Variants in KIAA0040 observed in about 807,000 individuals in gnomAD.
The protein encoded by KIAA0040 is uncharacterized protein KIAA0040.
Under a neutral mutation model 7.2 loss-of-function variants are expected in KIAA0040, and 10 were observed. The ratio of observed to expected loss-of-function variants is 1.38; its 90% CI spans 0.85 to 2.34. KIAA0040 has a LOEUF of 2.34. Among genes scored for constraint, KIAA0040 ranks in the 30% most tolerant of loss-of-function variants. The probability of loss-of-function intolerance (pLI) is 0.00; values close to 1 mark genes in which losing one functional copy is unlikely to be tolerated. For missense variants in KIAA0040, 89 were observed against 108.2 expected (o/e 0.82, Z 0.79); for synonymous variants, 49 against 40.1 (o/e 1.22, Z -0.84).
In KIAA0040 at chr1:175,158,790, G is replaced by A. The variant is rs1300393683; in HGVS notation, c.*1924C>T. The A allele has an allele frequency of 6.6e-6, 1 of 151,970 alleles. No individual in the cohort carries two copies. Among genetic ancestry groups the A allele is most frequent in the Admixed American group, 6.6e-5 (1 of 15,256 alleles). 9.4% of individuals were successfully genotyped at this position (151,970 alleles called of 1,614,324 possible). The stretch of plus-strand genomic sequence containing the variant: ...AGTTTATGGCCATATAGGGTGAGAG[G>A]GCAAATGTGACTGGCTATAAAATAT... On this transcript the variant is annotated 3_prime_UTR_variant, in exon 4 of 4. Coordinates refer to ENST00000423313, the MANE Select transcript of KIAA0040 (RefSeq NM_014656.3).
intron 2 of KIAA0040, among the ~76,000 whole-genome samples, chr1:175,175,990 G>C (rs1054778088): frequency 6.6e-6 from 1 of 152,132 alleles, no homozygotes; most frequent in African/African-American, 2.4e-5. Flanking sequence ...AAACCTGCAC[G>C]TTGTGCACAT....
At chr1:175,178,758 T>A (rs1403672015) in intron 1 of KIAA0040, among the ~76,000 whole-genome samples, 1 of 152,158 alleles carries the variant, frequency 6.6e-6, no homozygotes, top group African/African-American at 2.4e-5. Context: ...GATGATAACA[T>A]CAACTGCCCT....
chr1:175,161,154 G>A lies in KIAA0040; in HGVS notation c.-133-8C>T. On this transcript the variant is annotated splice_region_variant and splice_polypyrimidine_tract_variant and intron_variant, in intron 3 of 3. Transcript: ENST00000423313. ...GCATGCCACTGGCAGCACCTGAAGA[G>A]ATTAAAACAGACAACTGAAGAGAAA... is the stretch of plus-strand genomic sequence containing the variant. The A allele has an allele frequency of 1.5e-6, 1 of 660,544 alleles. No homozygotes were observed. Among genetic ancestry groups the A allele is most frequent in the South Asian group, 2.2e-5 (1 of 45,878 alleles). 40.9% of individuals were successfully genotyped at this position (660,544 alleles called of 1,614,324 possible). A position where few individuals can be genotyped will look rare whatever the true frequency, so the allele number is the denominator to read the frequency against.
chr1:175,160,527 A>C lies in KIAA0040; in HGVS notation c.*187T>G, dbSNP rs568556272. On this transcript the variant is annotated 3_prime_UTR_variant, in exon 4 of 4. Coordinates refer to ENST00000423313, the MANE Select transcript of KIAA0040 (RefSeq NM_014656.3). ...ACACATAGCTGCCAAGACAGTATCC[A>C]AGAATTGTCCACGTGGTCCCTGGGA... 9.8e-5 allele frequency: 60 copies of C among 612,500 alleles called. 1 individual carries two copies. The highest frequency in any genetic ancestry group is 4.4e-4 in the Middle Eastern group (1 of 2,274). The allele number at this position is 612,500 out of a possible 1,614,324, so 37.9% of individuals were successfully genotyped here. A position where few individuals can be genotyped will look rare whatever the true frequency, so the allele number is the denominator to read the frequency against.
intron 2 of KIAA0040, among the ~76,000 whole-genome samples, chr1:175,172,039 T>G (rs983479261): frequency 3.9e-5 from 6 of 152,208 alleles, no homozygotes; most frequent in African/African-American, 1.4e-4. Context: ...GATTTTCTAT[T>G]ATGGAAGGTC....
Position 175,158,147 on chromosome 1 carries a change from C to T in KIAA0040, c.*2567G>A, listed in dbSNP as rs894913307. On this transcript the variant is annotated 3_prime_UTR_variant, in exon 4 of 4. Coordinates refer to ENST00000423313, the MANE Select transcript of KIAA0040 (RefSeq NM_014656.3). The stretch of plus-strand genomic sequence containing the variant: ...ATTTAACAAAACGTTTAGGGCCTAT[C>T]CTGCACTGGGACTCCTCTAGTTACG... The T allele has an allele frequency of 6.6e-6, 1 of 152,264 alleles. No individual in the cohort carries two copies. The highest frequency in any genetic ancestry group is 6.5e-5 in the Admixed American group (1 of 15,280). 9.4% of individuals were successfully genotyped at this position (152,264 alleles called of 1,614,324 possible).
At chr1:175,163,094 G>C (rs145454634) in intron 3 of KIAA0040, among the ~76,000 whole-genome samples, 180 of 152,290 alleles carry the variant, frequency 1.2e-3, no homozygotes, top group African/African-American at 4.1e-3. Flanking sequence ...ACTCATTCTG[G>C]AGAGTTTGGC....
intron 2 of KIAA0040, among the ~76,000 whole-genome samples, chr1:175,169,905 C>G (rs529509177): frequency 2.0e-5 from 3 of 152,250 alleles, no homozygotes; most frequent in Admixed American, 6.5e-5. Context: ...TTCCCTCCCT[C>G]AATGTATTTA....
chr1:175,161,018 C>T lies in KIAA0040; in HGVS notation c.-5G>A, dbSNP rs1344746740. On this transcript the variant is annotated 5_prime_UTR_variant, in exon 4 of 4. Transcript: ENST00000423313. ...GAAGGCACTGATTCTCTCCATGGTG[C>T]TTGGCTAGATTAGGGCCAGAGAACC... 5 of 1,547,232 alleles carry T rather than the reference C, an allele frequency of 3.2e-6. No homozygotes were observed. In the Admixed American group the frequency reaches 7.9e-5, roughly 24 times the overall value.
At chr1:175,183,632 G>A (rs915547425) in intron 1 of KIAA0040, among the ~76,000 whole-genome samples, 5 of 152,200 alleles carry the variant, frequency 3.3e-5, no homozygotes, top group African/African-American at 1.2e-4. Flanking sequence ...TAAGTTGGTC[G>A]GACATCTGGG....
chr1:175,188,419 T>G (rs1677746373), intron 1 of KIAA0040, among the ~76,000 whole-genome samples: 1 of 152,352 alleles, frequency 6.6e-6, no homozygotes, highest in African/African-American at 2.4e-5. Context: ...ATTTTCCTTT[T>G]GCTGTCCAGG....
chr1:175,179,229 C>G (rs1353607703), intron 1 of KIAA0040, among the ~76,000 whole-genome samples: 1 of 152,126 alleles, frequency 6.6e-6, no homozygotes, highest in Non-Finnish European at 1.5e-5. Context: ...GCTTTGAAAG[C>G]CTAACATGGG....
At chr1:175,168,715 T>G (rs542003194) in intron 2 of KIAA0040, among the ~76,000 whole-genome samples, 2 of 152,180 alleles carry the variant, frequency 1.3e-5, no homozygotes, top group Non-Finnish European at 2.9e-5. Flanking sequence ...CCAGAACCAA[T>G]GTCTTCTGAG....
chr1:175,171,007 C>T (rs1276715174), intron 2 of KIAA0040, among the ~76,000 whole-genome samples: 2 of 152,240 alleles, frequency 1.3e-5, no homozygotes, highest in African/African-American at 2.4e-5. Flanking sequence ...GGCCTAGCCG[C>T]GCCTACTACT....
At chr1:175,170,321 C>G (rs947639885) in intron 2 of KIAA0040, among the ~76,000 whole-genome samples, 1 of 152,140 alleles carries the variant, frequency 6.6e-6, no homozygotes, top group African/African-American at 2.4e-5. Flanking sequence ...CCCTTTATCC[C>G]CATTGTTACC....
chr1:175,173,302 A>C (rs1197859554), intron 2 of KIAA0040, among the ~76,000 whole-genome samples: 1 of 152,210 alleles, frequency 6.6e-6, no homozygotes. Context: ...GGTTGGCAAA[A>C]GTCTTATCAC....
intron 1 of KIAA0040, among the ~76,000 whole-genome samples, chr1:175,187,437 T>C (rs569560469): frequency 3.3e-5 from 5 of 152,286 alleles, no homozygotes; most frequent in Admixed American, 3.3e-4. Flanking sequence ...TACATGATAA[T>C]CACATGCAGA....
rs1804094 is a variant in KIAA0040, at chr1:175,157,820, C to T, written c.*2894G>A. 4 of 152,080 alleles carry T rather than the reference C, an allele frequency of 2.6e-5. No homozygotes were observed. The highest frequency in any genetic ancestry group is 6.5e-5 in the Admixed American group (1 of 15,274). 9.4% of individuals were successfully genotyped at this position (152,080 alleles called of 1,614,324 possible). A position where few individuals can be genotyped will look rare whatever the true frequency, so the allele number is the denominator to read the frequency against. On this transcript the variant is annotated 3_prime_UTR_variant, in exon 4 of 4. Coordinates refer to ENST00000423313, the MANE Select transcript of KIAA0040 (RefSeq NM_014656.3). ...GTCCAGGCCTAGGGGATGTCTTTCT[C>T]GAGCCTGTGCTGGTCTAGGAAGCCT...
Position 175,163,820 on chromosome 1 carries a change from C to T in KIAA0040, c.-133-2674G>A, listed in dbSNP as rs148016176. Among the ~76,000 whole-genome samples the T allele has an allele frequency of 2.7e-3, 410 of 152,310 alleles. 3 individuals are homozygous for T. The highest frequency in any genetic ancestry group is 8.2e-3 in the African/African-American group (339 of 41,562). ...TGTGCCAGGGGTTATGCTGTTCCTA[C>T]AGGGAGCAGATGGGTAACAGGGGCC... On this transcript the variant is annotated intron_variant, in intron 3 of 3. Coordinates refer to ENST00000423313, the MANE Select transcript of KIAA0040 (RefSeq NM_014656.3).
Sources: gnomAD v4.1 joint callset for allele counts (sites outside exome capture counted in the v4.1 genomes callset) on GRCh38, gnomAD v4.1.1 for gene constraint, MANE v1.5 for transcripts, NCBI Gene and HGNC (gene_info 2026-07-23, HGNC 2026-07-21) for gene names.